The following IMMP2L variants were observed in gnomAD, a reference collection of about 807,000 sequenced individuals.
IMMP2L encodes the protein inner mitochondrial membrane peptidase subunit 2.
A neutral mutation model predicts 19.3 loss-of-function variants in IMMP2L; 18 were observed. The ratio of observed to expected loss-of-function variants is 0.93; its 90% confidence interval spans 0.64 to 1.38. The LOEUF (loss-of-function observed/expected upper bound fraction) is 1.38, where lower values mean the gene tolerates loss of function less well. Among genes scored for constraint, IMMP2L ranks in the 40% most tolerant of loss-of-function variants. The pLI is 0.00. For missense variants in IMMP2L, 233 were observed against 218.2 expected, an observed-to-expected ratio of 1.07 and a Z score of -0.43; for synonymous variants, 76 against 73.0, an observed-to-expected ratio of 1.04 and a Z score of -0.21.
At position 111,501,024 on chromosome 7, in the gene IMMP2L, C is replaced by T. The variant is rs1207887949; in HGVS notation, c.136-13683G>A. ...AAGGCTTCAGACGATCAAACTACTCCGAGCTACAGGAGGAAATTCAAACCA... is the reference window on the plus strand; with the variant it reads ...AAGGCTTCAGACGATCAAACTACTCTGAGCTACAGGAGGAAATTCAAACCA... On this transcript the variant is annotated intron_variant, in intron 2 of 5. Transcript: ENST00000405709. 1.1e-3 allele frequency among the ~76,000 whole-genome samples: 160 copies of T among 151,702 alleles called. 3 individuals are homozygous for T. Among genetic ancestry groups the T allele is most frequent in the African/African-American group, 6.0e-4 (25 of 41,338 alleles).
intron 3 of IMMP2L, among the ~76,000 whole-genome samples, chr7:111,158,111 T>C (rs1804844743): frequency 6.6e-6 from 1 of 151,972 alleles, no homozygotes; most frequent in East Asian, 1.9e-4. Context: ...CCATACTCTA[T>C]ATACAAAAAT....
intron 5 of IMMP2L, among the ~76,000 whole-genome samples, chr7:110,835,353 A>T (rs1165782784): frequency 3.9e-5 from 6 of 152,058 alleles, no homozygotes; most frequent in Non-Finnish European, 7.4e-5. Flanking sequence ...TGATCCACTT[A>T]CCTAATATGC....
At chr7:110,788,087 C>T (rs769187508) in intron 5 of IMMP2L, among the ~76,000 whole-genome samples, 13 of 151,948 alleles carry the variant, frequency 8.6e-5, no homozygotes, top group African/African-American at 2.4e-4. Context: ...TTTACAAATA[C>T]GCTCTAAAGT....
intron 3 of IMMP2L, among the ~76,000 whole-genome samples, chr7:111,222,698 T>G (rs938873052): frequency 6.6e-6 from 1 of 152,048 alleles, no homozygotes; most frequent in Admixed American, 6.6e-5. Flanking sequence ...AACATTCTTA[T>G]ATAAGAACGT....
At chr7:111,196,665 T>C (rs1196728241) in intron 3 of IMMP2L, among the ~76,000 whole-genome samples, 1 of 152,166 alleles carries the variant, frequency 6.6e-6, no homozygotes, top group Non-Finnish European at 1.5e-5. Context: ...AATGAAAATA[T>C]GAGAATTTAA....
chr7:111,364,243 C>T (rs966606190), intron 3 of IMMP2L, among the ~76,000 whole-genome samples: 1 of 151,968 alleles, frequency 6.6e-6, no homozygotes, highest in Admixed American at 6.6e-5. Context: ...TTGTAATAGC[C>T]AGCTCTTATA....
intron 4 of IMMP2L, among the ~76,000 whole-genome samples, chr7:110,904,599 T>G (rs1427905157): frequency 6.6e-6 from 1 of 152,198 alleles, no homozygotes; most frequent in African/African-American, 2.4e-5. Context: ...TTTGTTCTAT[T>G]CCTAGCTATA....
intron 3 of IMMP2L, among the ~76,000 whole-genome samples, chr7:111,110,116 C>T (rs1413167304): frequency 6.6e-6 from 1 of 152,154 alleles, no homozygotes; most frequent in Non-Finnish European, 1.5e-5. Flanking sequence ...GCCTAGGCAA[C>T]ACAGTGAGAC....
At chr7:110,849,807 T>C (rs1806016348) in intron 5 of IMMP2L, among the ~76,000 whole-genome samples, 1 of 152,100 alleles carries the variant, frequency 6.6e-6, no homozygotes, top group Non-Finnish European at 1.5e-5. Context: ...AGAAATCTGC[T>C]TTATGGTAGT....
chr7:111,147,209 G>T (rs574545966), intron 3 of IMMP2L, among the ~76,000 whole-genome samples: 8 of 152,154 alleles, frequency 5.3e-5, no homozygotes, highest in African/African-American at 1.7e-4. Flanking sequence ...GGGGGCTGTT[G>T]TTGCTGCCGT....
At chr7:111,004,302 C>T (rs1297570167) in intron 3 of IMMP2L, among the ~76,000 whole-genome samples, 1 of 152,156 alleles carries the variant, frequency 6.6e-6, no homozygotes, top group East Asian at 1.9e-4. Flanking sequence ...GCTCAGCCTC[C>T]TGATGTACCA....
chr7:111,521,005 T>C (rs551220411), intron 2 of IMMP2L, among the ~76,000 whole-genome samples: 1 of 152,264 alleles, frequency 6.6e-6, no homozygotes, highest in East Asian at 1.9e-4. Context: ...GATATTCTAA[T>C]AGAGCCATAT....
intron 3 of IMMP2L, among the ~76,000 whole-genome samples, chr7:111,460,744 T>C (rs866853448): frequency 5.9e-5 from 9 of 152,076 alleles, no homozygotes; most frequent in Admixed American, 1.3e-4. Context: ...TGATGTTCTA[T>C]GTTTTTATCA....
In IMMP2L at chr7:111,399,804, G is replaced by C. The variant is rs368267806; in HGVS notation, c.239+87434C>G. Among the ~76,000 whole-genome samples the C allele has an allele frequency of 1.4e-4, 21 of 152,012 alleles. No homozygotes were observed. In the South Asian group the frequency reaches 4.2e-3, roughly 30 times the overall value. On this transcript the variant is annotated intron_variant, in intron 3 of 5. Coordinates refer to ENST00000405709, the MANE Select transcript of IMMP2L (RefSeq NM_032549.4). ...CATGTACTAGCATATCCTATCTTTA[G>C]GCTCCTTTAATATAGAGTCAAGGTT...
chr7:111,142,339 AAAAAGAAAG>A (rs1803006137), intron 3 of IMMP2L, among the ~76,000 whole-genome samples: 3 of 11,880 alleles, frequency 2.5e-4, no homozygotes, highest in South Asian at 5.7e-3. Flanking sequence ...AAAAAAAAAA[AAAAAGAAAG>A]AAAGAAAGAA....
chr7:110,938,274 G>A (rs2129552651), intron 4 of IMMP2L, among the ~76,000 whole-genome samples: 1 of 152,254 alleles, frequency 6.6e-6, no homozygotes, highest in Middle Eastern at 3.4e-3. Flanking sequence ...TAGGGAGGGA[G>A]GGGTATCAAA....
chr7:111,214,809 A>G (rs545414780), intron 3 of IMMP2L, among the ~76,000 whole-genome samples: 5 of 148,030 alleles, frequency 3.4e-5, no homozygotes, highest in East Asian at 1.9e-4. Context: ...AGAGAGAGAT[A>G]GAGATTAAAG....
chr7:111,344,179 T>C (rs1827305342), intron 3 of IMMP2L, among the ~76,000 whole-genome samples: 1 of 152,118 alleles, frequency 6.6e-6, no homozygotes, highest in Admixed American at 6.6e-5. Flanking sequence ...CTTCCTACCA[T>C]CCTATTAATG....
intron 3 of IMMP2L, among the ~76,000 whole-genome samples, chr7:111,475,361 T>C (rs1409619411): frequency 2.6e-5 from 4 of 151,960 alleles, no homozygotes; most frequent in Non-Finnish European, 5.9e-5. Context: ...TCTTATCAGC[T>C]ACCGACACAT....
Sources: allele counts gnomAD v4.1 joint callset (sites outside exome capture counted in the v4.1 genomes callset), GRCh38; gene constraint gnomAD v4.1.1; transcripts MANE v1.5; gene names NCBI Gene and HGNC (gene_info 2026-07-23, HGNC 2026-07-21).